SLC16A6: variants seen among roughly 807,000 people sequenced by gnomAD.
SLC16A6 encodes solute carrier family 16 member 6.
SLC16A6 carries 15 observed loss-of-function variants against 33.8 expected under a neutral mutation model. That is an observed-to-expected ratio of 0.44 (90% CI 0.30 to 0.68). SLC16A6 has a LOEUF of 0.68. SLC16A6 is among the 30% of genes least tolerant of loss of function. The probability of loss-of-function intolerance (pLI) is 0.10; values close to 1 mark genes in which losing one functional copy is unlikely to be tolerated. For missense variants in SLC16A6, 451 were observed against 661.5 expected (o/e 0.68, Z 3.49); for synonymous variants, 219 against 248.4 (o/e 0.88, Z 1.11).
At chr17:68,274,850 G>A (rs1026568366) in intron 2 of SLC16A6, among the ~76,000 whole-genome samples, 20 of 150,032 alleles carry the variant, frequency 1.3e-4, no homozygotes, top group Non-Finnish European at 2.2e-4. Context: ...GTGTGATCTC[G>A]GCTCACTGCA....
intron 1 of SLC16A6, among the ~76,000 whole-genome samples, chr17:68,284,318 C>T (rs1294606642): frequency 6.6e-6 from 1 of 151,254 alleles, no homozygotes; most frequent in South Asian, 2.1e-4. Context: ...CACTTGAACC[C>T]GGGAGGCAGA....
In SLC16A6 at chr17:68,271,305, G is replaced by A. The variant is rs2075331400; in HGVS notation, c.855C>T (p.Asp285=). The A allele has an allele frequency of 6.2e-7, 1 of 1,614,238 alleles. No homozygotes were observed. Among genetic ancestry groups the A allele is most frequent in the East Asian group, 2.2e-5 (1 of 44,888 alleles). Residue 285 remains aspartate (D), a synonymous_variant, in exon 5 of 6, where the codon GAC becomes GAT. Transcript: ENST00000580666. This position sits in a 1 kb window ranked among gnomAD's most constrained non-coding sequence, Gnocchi z 5.3. ...RPSEKKAPLL[D]FSILKEKSFI... is the part of the protein sequence containing the mutation. Reference sequence around the variant, plus strand: ...AACTTTTCTCTTTCAAAATGGAGAAGTCTAATAGCGGGGCTTTCTTTTCGC... The same window carrying A: ...AACTTTTCTCTTTCAAAATGGAGAAATCTAATAGCGGGGCTTTCTTTTCGC...
At position 68,268,168 on chromosome 17, in the gene SLC16A6, T is replaced by A. The variant is rs1599479756; in HGVS notation, c.*928A>T. On this transcript the variant is annotated 3_prime_UTR_variant, in exon 6 of 6. Coordinates refer to ENST00000580666, the MANE Select transcript of SLC16A6 (RefSeq NM_004694.5). ...AGATAAGACGTATTCTGTGAGGCAT[T>A]TAAAGGATTGCAGAAAGGAGGTAAA... 1 of 152,440 alleles carries A rather than the reference T, an allele frequency of 6.6e-6. No homozygotes were observed. The highest frequency in any genetic ancestry group is 6.5e-5 in the Admixed American group (1 of 15,280). 9.4% of individuals were successfully genotyped at this position (152,440 alleles called of 1,614,324 possible). A position where few individuals can be genotyped will look rare whatever the true frequency, so the allele number is the denominator to read the frequency against.
chr17:68,272,001 C>T (rs1555749074), intron 4 of SLC16A6, among the ~76,000 whole-genome samples: 1 of 152,174 alleles, frequency 6.6e-6, no homozygotes, highest in African/African-American at 2.4e-5. Context: ...CAGGGTTTCA[C>T]TGTGTTGGCC....
chr17:68,270,090 C>T (rs536779522), intron 5 of SLC16A6, among the ~76,000 whole-genome samples: 2 of 152,208 alleles, frequency 1.3e-5, no homozygotes, highest in African/African-American at 4.8e-5. Flanking sequence ...ATATTCTGTA[C>T]AAATCAGTTA....
At chr17:68,291,334 C>T (rs2075980127), upstream of SLC16A6, 1 of 141,040 alleles carries the variant, frequency 7.1e-6, no homozygotes, top group Admixed American at 7.0e-5. Flanking sequence ...GCGACCCGGG[C>T]CGTGCGTGCT....
Position 68,271,228 on chromosome 17 carries a change from G to T in SLC16A6, c.932C>A (p.Pro311His). 6.2e-7 allele frequency: 1 copy of T among 1,614,090 alleles called. No individual in the cohort carries two copies. ...GLFATLGFFA[P>H]SLYIIPLGIS... is the part of the protein sequence containing the mutation. ...GCCCAGAGGAATGATGTACAAGGAA[G>T]GTGCAAAGAATCCCAGTGTTGCAAA... Residue 311 changes from proline (P) to histidine (H), a missense_variant, in exon 5 of 6, where the codon CCT becomes CAT. Physicochemically the swap from Pro to His is moderately conservative, Grantham distance 77. Transcript: ENST00000580666. The surrounding 1 kb of genome is among the most constrained non-coding windows in gnomAD (Gnocchi z 5.3).
At chr17:68,288,042 G>C (rs1469859422) in intron 1 of SLC16A6, among the ~76,000 whole-genome samples, 1 of 147,682 alleles carries the variant, frequency 6.8e-6, no homozygotes, top group Non-Finnish European at 1.5e-5. Flanking sequence ...TGTCTCCCAG[G>C]CTGGAGCACA....
In SLC16A6 at chr17:68,284,935, G is replaced by A. The variant is rs892466280; in HGVS notation, c.-8+6151C>T. 8.6e-5 allele frequency among the ~76,000 whole-genome samples: 13 copies of A among 152,026 alleles called. 1 individual carries two copies. Among genetic ancestry groups the A allele is most frequent in the African/African-American group, 4.8e-5 (2 of 41,388 alleles). ...TCTCTTTGTACAACCCCATGTCCCC[G>A]GACCCTGCCTGTACCTTGTACACAG... On this transcript the variant is annotated intron_variant, in intron 1 of 5. Coordinates refer to ENST00000580666, the MANE Select transcript of SLC16A6 (RefSeq NM_004694.5).
chr17:68,269,748 A>G (rs2075276106), intron 5 of SLC16A6, among the ~76,000 whole-genome samples: 1 of 136,772 alleles, frequency 7.3e-6, no homozygotes, highest in Non-Finnish European at 1.5e-5. Flanking sequence ...ATCTCAGGTC[A>G]CTGCAACCTC....
chr17:68,280,863 C>T (rs1021601074), intron 1 of SLC16A6, among the ~76,000 whole-genome samples: 16 of 152,118 alleles, frequency 1.1e-4, no homozygotes, highest in African/African-American at 2.4e-4. Context: ...TAGTGTGTCA[C>T]GCTATAATCC....
Position 68,273,813 on chromosome 17 carries a change from T to C in SLC16A6, c.376+114A>G, listed in dbSNP as rs2144990973. The C allele has an allele frequency of 3.0e-6, 4 of 1,313,628 alleles. No individual in the cohort carries two copies. The East Asian group carries it at 9.3e-5, about 31-fold the overall frequency. The allele number at this position is 1,313,628 out of a possible 1,614,324, so 81.4% of individuals were successfully genotyped here. ...TACTGATCTGAGACACTGTTAATGT[T>C]AAAGAAAAAAAGAAAGAGAAAGAAA... On this transcript the variant is annotated intron_variant, in intron 3 of 5. Transcript: ENST00000580666.
chr17:68,269,432 C>T lies in SLC16A6; in HGVS notation c.1322-86G>A, dbSNP rs572547952. The stretch of plus-strand genomic sequence containing the variant: ...GCGACCATCCCATTCAGAAGCCTCT[C>T]AGTTTCACTGCCTTCCTTGTTTTCT... On this transcript the variant is annotated intron_variant, in intron 5 of 5. Transcript: ENST00000580666. 2.8e-5 allele frequency: 37 copies of T among 1,307,006 alleles called. 5 individuals are homozygous for T. In the East Asian group the frequency reaches 9.0e-4, roughly 32 times the overall value. 81.0% of individuals were successfully genotyped at this position (1,307,006 alleles called of 1,614,324 possible).
At chr17:68,289,898 AT>A (rs1555755277) in intron 1 of SLC16A6, among the ~76,000 whole-genome samples, 1 of 152,038 alleles carries the variant, frequency 6.6e-6, no homozygotes, top group Non-Finnish European at 1.5e-5. Flanking sequence ...GTAAGTTCCT[AT>A]TTTGGACACT....
chr17:68,277,700 C>T (rs1306544998), intron 2 of SLC16A6, among the ~76,000 whole-genome samples: 3 of 152,208 alleles, frequency 2.0e-5, no homozygotes, highest in Non-Finnish European at 4.4e-5. Flanking sequence ...AAAGTGCTTA[C>T]AGGTGTGAGC....
At chr17:68,280,381 C>G (rs1376440710) in intron 1 of SLC16A6, among the ~76,000 whole-genome samples, 5 of 151,872 alleles carry the variant, frequency 3.3e-5, no homozygotes, top group African/African-American at 4.8e-5. Flanking sequence ...ACTAACAGAC[C>G]TCAAAATATA....
Position 68,274,076 on chromosome 17 carries a change from G to C in SLC16A6, c.233-6C>G, listed in dbSNP as rs201913800. ...CAGGACTGTGGCGAGGGGAGCTGCC[G>C]GGAAAGAACAAAACGATATTTTAAC... On this transcript the variant is annotated splice_region_variant and splice_polypyrimidine_tract_variant and intron_variant, in intron 2 of 5. Coordinates refer to ENST00000580666, the MANE Select transcript of SLC16A6 (RefSeq NM_004694.5). 1.5e-5 allele frequency: 24 copies of C among 1,611,066 alleles called. No homozygotes were observed. The highest frequency in any genetic ancestry group is 2.0e-5 in the Non-Finnish European group (24 of 1,177,886).
At chr17:68,278,006 A>G in intron 2 of SLC16A6, 83 bp downstream of exon 2, 1 of 883,938 alleles carries the variant, frequency 1.1e-6, no homozygotes, top group Non-Finnish European at 1.8e-6. Context: ...AAGCATCACA[A>G]ACACATCGAC....
At position 68,269,345 on chromosome 17, in the gene SLC16A6, A is replaced by G. The variant is rs1555747674; in HGVS notation, c.1323T>C (p.Gly441=). The G allele has an allele frequency of 2.5e-6, 3 of 1,183,928 alleles. No individual in the cohort carries two copies. Among genetic ancestry groups the G allele is most frequent in the Non-Finnish European group, 3.5e-6 (3 of 855,202 alleles). 73.3% of individuals were successfully genotyped at this position (1,183,928 alleles called of 1,614,324 possible). ...AGATCTTACTTTGGTCCACCAACAA[A>G]CCTGGAAGAGAGCATGGCGTCCGTT... ...IAGLAGPPLA[G]LLVDQSKIYS... Residue 441 remains glycine, a splice_region_variant and synonymous_variant, in exon 6 of 6, where the codon GGT becomes GGC. Coordinates refer to ENST00000580666, the MANE Select transcript of SLC16A6 (RefSeq NM_004694.5).
Sources: allele counts gnomAD v4.1 joint callset (sites outside exome capture counted in the v4.1 genomes callset), GRCh38; gene constraint gnomAD v4.1.1; non-coding constraint Gnocchi (gnomAD v3.1); transcripts MANE v1.5; gene names NCBI Gene and HGNC (gene_info 2026-07-23, HGNC 2026-07-21).